The following TOX variants were observed in gnomAD, a reference collection of about 807,000 sequenced individuals.
TOX encodes the protein thymocyte selection-associated high mobility group box protein TOX.
In TOX, 11 loss-of-function variants were observed where a neutral mutation model predicts 53.7. That is an observed-to-expected ratio of 0.20 (90% CI 0.13 to 0.34). TOX has a LOEUF of 0.34. Among genes scored for constraint, TOX ranks in the 10% least tolerant of loss-of-function variants. The pLI, the probability that TOX is intolerant of heterozygous loss-of-function variation, is 1.00. For synonymous variants in TOX, 225 were observed against 245.3 expected (o/e 0.92, Z 0.77); for missense variants, 570 against 664.6 (o/e 0.86, Z 1.56).
At chr8:58,955,450 G>A (rs1305946243) in intron 2 of TOX, among the ~76,000 whole-genome samples, 2 of 152,108 alleles carry the variant, frequency 1.3e-5, no homozygotes, top group African/African-American at 2.4e-5. Context: ...CAAACAGAAG[G>A]AAATGGTTTA....
intron 1 of TOX, among the ~76,000 whole-genome samples, chr8:59,106,981 G>A (rs1804918177): frequency 7.3e-6 from 1 of 137,688 alleles, no homozygotes; most frequent in South Asian, 2.3e-4. Context: ...TTTCAACTGG[G>A]TGAATCTTTT....
At chr8:59,070,506 A>AAC (rs371344375) in intron 1 of TOX, among the ~76,000 whole-genome samples, 16,568 of 139,992 alleles carry the variant, frequency 0.12, 1,282 homozygotes, top group East Asian at 0.36. Context: ...TGTCAAGGAA[A>AAC]ACACACACAC....
At chr8:58,972,939 T>C (rs1448709393) in intron 1 of TOX, among the ~76,000 whole-genome samples, 1 of 152,224 alleles carries the variant, frequency 6.6e-6, no homozygotes. Context: ...AAACGAGTCT[T>C]GTTTCCAAGA....
At chr8:58,816,083 A>T (rs181644583) in intron 6 of TOX, among the ~76,000 whole-genome samples, 196 of 152,350 alleles carry the variant, frequency 1.3e-3, no homozygotes, top group African/African-American at 4.5e-3. Context: ...ACACGTGAAG[A>T]TTACTTTCAA....
At chr8:58,931,341 A>G (rs1234211591) in intron 3 of TOX, among the ~76,000 whole-genome samples, 2 of 152,110 alleles carry the variant, frequency 1.3e-5, no homozygotes, top group Non-Finnish European at 2.9e-5. Flanking sequence ...AAAAAAAAAA[A>G]GAGCTAATTT....
intron 1 of TOX, among the ~76,000 whole-genome samples, chr8:58,979,599 A>AT (rs1813163118): frequency 6.6e-6 from 1 of 152,186 alleles, no homozygotes; most frequent in Admixed American, 6.5e-5. Context: ...ATATATGGAT[A>AT]TTTTTGCATT....
At chr8:58,870,278 A>G (rs1422393670) in intron 3 of TOX, among the ~76,000 whole-genome samples, 1 of 152,158 alleles carries the variant, frequency 6.6e-6, no homozygotes, top group Non-Finnish European at 1.5e-5. Flanking sequence ...TTGGAATTTG[A>G]AAATTTAAAA....
At chr8:59,056,016 TA>T (rs1157982678) in intron 1 of TOX, among the ~76,000 whole-genome samples, 8 of 152,322 alleles carry the variant, frequency 5.3e-5, no homozygotes, top group South Asian at 2.1e-4. Flanking sequence ...AGACTGCTCA[TA>T]AACATTTCTC....
intron 1 of TOX, among the ~76,000 whole-genome samples, chr8:58,986,643 A>G (rs1278930329): frequency 6.6e-6 from 1 of 152,260 alleles, no homozygotes; most frequent in African/African-American, 2.4e-5. Context: ...GTGCTCCAGC[A>G]GGTAATTCAG....
Position 59,070,506 on chromosome 8 carries a change from AACACACACACACAC to A in TOX, c.102+48366_102+48379del, listed in dbSNP as rs371344375. Among the ~76,000 whole-genome samples the A allele has an allele frequency of 4.3e-4, 60 of 140,224 alleles. No individual in the cohort carries two copies. In the East Asian group the frequency reaches 6.4e-3, roughly 15 times the overall value. The allele number at this position is 140,224 out of a possible 152,430, so 92.0% of individuals were successfully genotyped here. Reference sequence around the variant, plus strand: ...ACATTCCATAAATTATGTCAAGGAAAACACACACACACACACACACACACACACACACACACACA... The same window carrying A: ...ACATTCCATAAATTATGTCAAGGAAAACACACACACACACACACACACACA... On this transcript the variant is annotated intron_variant, in intron 1 of 8. Transcript: ENST00000361421.
intron 3 of TOX, among the ~76,000 whole-genome samples, chr8:58,856,160 A>G (rs1810912185): frequency 6.6e-6 from 1 of 152,204 alleles, no homozygotes; most frequent in Non-Finnish European, 1.5e-5. Flanking sequence ...ATCTTCATAT[A>G]TCCAAACCCT....
At chr8:58,833,977 G>T (rs1810507019) in intron 5 of TOX, among the ~76,000 whole-genome samples, 1 of 152,024 alleles carries the variant, frequency 6.6e-6, no homozygotes, top group African/African-American at 2.4e-5. Flanking sequence ...AGTACATATT[G>T]TTTCTCACTC....
intron 1 of TOX, 64 bp from the exon 2 acceptor site, chr8:58,960,072 G>A: frequency 2.6e-6 from 4 of 1,550,802 alleles, no homozygotes; most frequent in Non-Finnish European, 3.5e-6. Context: ...GTTTTTATTT[G>A]TTTTGTTTTG....
intron 7 of TOX, among the ~76,000 whole-genome samples, chr8:58,811,806 A>G (rs1810081489): frequency 6.6e-6 from 1 of 152,238 alleles, no homozygotes; most frequent in Non-Finnish European, 1.5e-5. Flanking sequence ...AAGAAAGAAA[A>G]CTGGACAAAA....
At chr8:58,898,682 C>T (rs777068680) in intron 3 of TOX, among the ~76,000 whole-genome samples, 4 of 152,098 alleles carry the variant, frequency 2.6e-5, no homozygotes, top group African/African-American at 4.8e-5. Context: ...CCGTTTTCTT[C>T]CCAACCCAGT....
chr8:58,871,172 C>CAAAAAA (rs36036067), intron 3 of TOX, among the ~76,000 whole-genome samples: 1 of 70,446 alleles, frequency 1.4e-5, no homozygotes. Context: ...AGAAGCCAGT[C>CAAAAAA]AAAAAAAAAA....
chr8:59,014,409 T>A (rs1329052407), intron 1 of TOX, among the ~76,000 whole-genome samples: 1 of 152,244 alleles, frequency 6.6e-6, no homozygotes, highest in African/African-American at 2.4e-5. Context: ...TGTCATCTGT[T>A]TTCATACTGA....
chr8:58,920,748 A>AG (rs1491460475), intron 3 of TOX, among the ~76,000 whole-genome samples: 3 of 50,616 alleles, frequency 5.9e-5, no homozygotes, highest in South Asian at 8.3e-4. Context: ...AAAAAAAAGA[A>AG]GAAAAAAAAA....
intron 2 of TOX, among the ~76,000 whole-genome samples, chr8:58,949,946 G>A (rs533885376): frequency 5.7e-4 from 67 of 117,466 alleles, no homozygotes; most frequent in African/African-American, 1.9e-3. Context: ...TCATATACAC[G>A]TGTAATATAC....
Sources: gnomAD v4.1 joint callset for allele counts (sites outside exome capture counted in the v4.1 genomes callset) on GRCh38, gnomAD v4.1.1 for gene constraint, MANE v1.5 for transcripts, NCBI Gene and HGNC (gene_info 2026-07-23, HGNC 2026-07-21) for gene names.